LRRIQ3: variants seen among roughly 807,000 people sequenced by gnomAD.
LRRIQ3 encodes leucine rich repeats and IQ motif containing 3.
A neutral mutation model predicts 59.3 loss-of-function variants in LRRIQ3; 75 were observed. The ratio of observed to expected loss-of-function variants is 1.26; its 90% CI spans 1.05 to 1.53. The LOEUF is 1.53. Among genes scored for constraint, LRRIQ3 ranks in the 40% most tolerant of loss-of-function variants. LRRIQ3 has a pLI of 0.00. For synonymous variants in LRRIQ3, 250 were observed against 231.3 expected, an observed-to-expected ratio of 1.08 and a Z score of -0.73; for missense variants, 831 against 710.0, an observed-to-expected ratio of 1.17 and a Z score of -1.94.
chr1:74,038,755 T>C (rs891595197), intron 7 of LRRIQ3, among the ~76,000 whole-genome samples: 1 of 151,858 alleles, frequency 6.6e-6, no homozygotes, highest in African/African-American at 2.4e-5. Flanking sequence ...ATAAAAACAA[T>C]CAAACAGAAA....
intron 3 of LRRIQ3, among the ~76,000 whole-genome samples, chr1:74,179,172 TATAA>T (rs900806137): frequency 9.9e-5 from 15 of 152,056 alleles, no homozygotes; most frequent in South Asian, 2.1e-4. Context: ...ACAATCAAAA[TATAA>T]ATATATATCC....
intron 3 of LRRIQ3, among the ~76,000 whole-genome samples, chr1:74,175,649 C>T (rs904589419): frequency 2.0e-5 from 3 of 152,148 alleles, no homozygotes; most frequent in Non-Finnish European, 4.4e-5. Flanking sequence ...CCCCTGGGTT[C>T]TGGAATTCTC....
intron 6 of LRRIQ3, among the ~76,000 whole-genome samples, chr1:74,049,764 T>TA (rs1435074374): frequency 1.1e-4 from 16 of 152,192 alleles, no homozygotes; most frequent in Admixed American, 1.0e-3. Context: ...TTGTTTATAT[T>TA]AAAAAATCAT....
chr1:74,047,436 C>G (rs1037275648), intron 6 of LRRIQ3, among the ~76,000 whole-genome samples: 24 of 152,010 alleles, frequency 1.6e-4, no homozygotes, highest in Non-Finnish European at 2.9e-5. Flanking sequence ...ATACTGGGAC[C>G]TGTTGGGGTG....
intron 3 of LRRIQ3, among the ~76,000 whole-genome samples, chr1:74,169,559 T>A (rs1032135046): frequency 3.3e-5 from 5 of 151,880 alleles, no homozygotes; most frequent in African/African-American, 9.7e-5. Context: ...TCTCCAACAC[T>A]TTTTTTTAAG....
intron 7 of LRRIQ3, among the ~76,000 whole-genome samples, chr1:74,036,726 C>A (rs1490319979): frequency 6.6e-6 from 1 of 152,140 alleles, no homozygotes; most frequent in East Asian, 1.9e-4. Context: ...ACTACATCAC[C>A]TGTAAGAGAA....
chr1:74,103,260 C>T (rs2100547315), intron 5 of LRRIQ3, among the ~76,000 whole-genome samples: 1 of 152,056 alleles, frequency 6.6e-6, no homozygotes, highest in East Asian at 1.9e-4. Flanking sequence ...CTTCCCCATC[C>T]CCTACAAGTT....
At chr1:74,121,284 G>A (rs11210419) in intron 4 of LRRIQ3, among the ~76,000 whole-genome samples, 49,419 of 151,996 alleles carry the variant, frequency 0.33, 9,647 homozygotes, top group East Asian at 0.77. Flanking sequence ...TGGCAGATAA[G>A]TGCCATCCAA....
chr1:74,087,381 CTTTTTTTT>C lies in LRRIQ3; in HGVS notation c.868-12599_868-12592del, dbSNP rs57068994. Among the ~76,000 whole-genome samples the C allele has an allele frequency of 7.6e-3, 450 of 59,050 alleles. 5 individuals are homozygous for C. Among genetic ancestry groups the C allele is most frequent in the African/African-American group, 0.032 (438 of 13,902 alleles). 38.7% of individuals were successfully genotyped at this position (59,050 alleles called of 152,430 possible). A position where few individuals can be genotyped will look rare whatever the true frequency, so the allele number is the denominator to read the frequency against. ...TGAATAGTATTATTTAAAATTTTAT[CTTTTTTTT>C]TTTTTTTTTTTTTTTTTTACTTTTT... On this transcript the variant is annotated intron_variant, in intron 5 of 7. Coordinates refer to ENST00000354431, the MANE Select transcript of LRRIQ3 (RefSeq NM_001105659.2).
intron 5 of LRRIQ3, among the ~76,000 whole-genome samples, chr1:74,092,826 A>T (rs1646409559): frequency 6.6e-6 from 1 of 152,072 alleles, no homozygotes; most frequent in Admixed American, 6.6e-5. Context: ...CGGTTACAAT[A>T]GGGGACTTCA....
At chr1:74,122,198 C>G (rs11810749) in intron 4 of LRRIQ3, among the ~76,000 whole-genome samples, 2 of 152,168 alleles carry the variant, frequency 1.3e-5, no homozygotes, top group African/African-American at 4.8e-5. Context: ...ACAGTCCCAT[C>G]AACAGTGTAA....
intron 5 of LRRIQ3, among the ~76,000 whole-genome samples, chr1:74,079,591 G>C (rs2100491774): frequency 6.6e-6 from 1 of 151,262 alleles, no homozygotes; most frequent in Non-Finnish European, 1.5e-5. Flanking sequence ...GTTAAGATTT[G>C]TTTTGTTTTG....
intron 7 of LRRIQ3, among the ~76,000 whole-genome samples, chr1:74,029,767 G>T (rs1410386612): frequency 6.6e-6 from 1 of 152,026 alleles, no homozygotes; most frequent in East Asian, 1.9e-4. Context: ...AATTTCGGAA[G>T]AAATGGTACC....
chr1:74,027,776 G>A (rs1397492694), intron 7 of LRRIQ3, among the ~76,000 whole-genome samples: 2 of 152,000 alleles, frequency 1.3e-5, no homozygotes, highest in African/African-American at 4.8e-5. Flanking sequence ...AACCTTAGAT[G>A]CTGGAGACAT....
At chr1:74,164,359 G>T (rs1314997654) in intron 3 of LRRIQ3, among the ~76,000 whole-genome samples, 1 of 151,352 alleles carries the variant, frequency 6.6e-6, no homozygotes, top group Admixed American at 6.6e-5. Context: ...GTTCTTTTAA[G>T]AAATTTGGAC....
chr1:74,044,859 T>C (rs980704036), intron 6 of LRRIQ3, among the ~76,000 whole-genome samples: 1 of 152,122 alleles, frequency 6.6e-6, no homozygotes, highest in Non-Finnish European at 1.5e-5. Context: ...CTAGAAAATC[T>C]AGAAGGAATG....
At chr1:74,114,704 T>C (rs1326217953) in intron 4 of LRRIQ3, among the ~76,000 whole-genome samples, 3 of 150,160 alleles carry the variant, frequency 2.0e-5, no homozygotes, top group African/African-American at 2.5e-5. Context: ...CACTGAACTC[T>C]AGCTTGGGCA....
chr1:74,026,913 G>A lies in LRRIQ3; in HGVS notation c.1775C>T (p.Ala592Val). Residue 592 changes from alanine to valine, a missense_variant, in exon 8 of 8, where the codon GCC becomes GTC. Transcript: ENST00000354431. ...CEEKFVMDMI[A>V]FEKACERLQD... The stretch of plus-strand genomic sequence containing the variant: ...AAGTCTTTCACAGGCTTTTTCAAAG[G>A]CAATCATATCCATAACAAATTTTTC... 6.3e-7 allele frequency: 1 copy of A among 1,599,730 alleles called. No homozygotes were observed. The highest frequency in any genetic ancestry group is 8.5e-7 in the Non-Finnish European group (1 of 1,170,774).
intron 6 of LRRIQ3, among the ~76,000 whole-genome samples, chr1:74,065,620 CTG>C (rs1346560069): frequency 6.6e-6 from 1 of 152,088 alleles, no homozygotes; most frequent in Non-Finnish European, 1.5e-5. Context: ...ATCGTTTAAT[CTG>C]TGTTTGAATA....
Sources: gnomAD v4.1 joint callset for allele counts (sites outside exome capture counted in the v4.1 genomes callset) on GRCh38, gnomAD v4.1.1 for gene constraint, MANE v1.5 for transcripts, NCBI Gene and HGNC (gene_info 2026-07-23, HGNC 2026-07-21) for gene names.